RNF170: variants seen among roughly 807,000 people sequenced by gnomAD.
RNF170 encodes the protein ring finger protein 170.
RNF170 carries 12 observed loss-of-function variants against 32.7 expected under a neutral mutation model. The observed-to-expected ratio is 0.37, with a 90% CI of 0.24 to 0.60. The LOEUF (loss-of-function observed/expected upper bound fraction) is 0.60. Among genes scored for constraint, RNF170 ranks in the 20% least tolerant of loss-of-function variants. The probability of loss-of-function intolerance (pLI) is 0.72; values close to 1 mark genes in which losing one functional copy is unlikely to be tolerated. For synonymous variants in RNF170, 91 were observed against 103.6 expected (o/e 0.88, Z 0.74); for missense variants, 212 against 311.2 (o/e 0.68, Z 2.40).
In RNF170 at chr8:42,853,992, C is replaced by G. The variant is rs1443056354; in HGVS notation, c.*2167G>C. 1 of 1,287,028 alleles carries G rather than the reference C, an allele frequency of 7.8e-7. No individual in the cohort carries two copies. Among genetic ancestry groups the G allele is most frequent in the Non-Finnish European group, 1.0e-6 (1 of 988,618 alleles). The allele number at this position is 1,287,028 out of a possible 1,614,324, so 79.7% of individuals were successfully genotyped here. ...AAAATCCTGTCAAAAAATGACATCA[C>G]CATTCCCCCACACCAAATGTGTAAT... On this transcript the variant is annotated 3_prime_UTR_variant, in exon 7 of 7. Coordinates refer to ENST00000527424, the MANE Select transcript of RNF170 (RefSeq NM_030954.4).
chr8:42,867,176 G>A (rs545242832), intron 4 of RNF170, among the ~76,000 whole-genome samples: 1 of 152,208 alleles, frequency 6.6e-6, no homozygotes, highest in African/African-American at 2.4e-5. Flanking sequence ...ATATTAACTT[G>A]AAATACAAAA....
downstream of RNF170, chr8:42,849,820 G>A (rs1802897162): frequency 6.6e-6 from 1 of 152,214 alleles, no homozygotes; most frequent in Admixed American, 6.5e-5. Flanking sequence ...AATAGTTACT[G>A]ACTATGCTGC....
intron 3 of RNF170, among the ~76,000 whole-genome samples, chr8:42,872,784 G>A (rs540512567): frequency 6.6e-6 from 1 of 151,884 alleles, no homozygotes; most frequent in Non-Finnish European, 1.5e-5. Context: ...GTTCCATGAG[G>A]GTAGGAATTT....
At chr8:42,881,094 T>C (rs1340528307) in intron 2 of RNF170, 6 of 152,160 alleles carry the variant, frequency 3.9e-5, no homozygotes, top group Non-Finnish European at 1.5e-5. Flanking sequence ...ACCTGAAATA[T>C]CTATGGGGTA....
chr8:42,895,817 G>T (rs772333814), intron 1 of RNF170, among the ~76,000 whole-genome samples: 4 of 152,236 alleles, frequency 2.6e-5, no homozygotes, highest in Non-Finnish European at 4.4e-5. Context: ...TGCACACATA[G>T]ATGGTAAAGC....
chr8:42,878,571 T>A (rs747816992), intron 2 of RNF170, among the ~76,000 whole-genome samples: 5 of 152,152 alleles, frequency 3.3e-5, no homozygotes, highest in African/African-American at 1.2e-4. Context: ...AGAAGAAAAG[T>A]TGAAAGCTAG....
At chr8:42,873,567 A>G (rs899261121) in intron 3 of RNF170, among the ~76,000 whole-genome samples, 5 of 152,194 alleles carry the variant, frequency 3.3e-5, no homozygotes, top group Non-Finnish European at 5.9e-5. Flanking sequence ...ACAAAAAACA[A>G]AACAGCCACC....
chr8:42,893,300 T>C (rs1387132812), intron 1 of RNF170, among the ~76,000 whole-genome samples: 1 of 152,224 alleles, frequency 6.6e-6, no homozygotes, highest in African/African-American at 2.4e-5. Context: ...ATACTCGGTT[T>C]TGAACTGTTT....
At chr8:42,869,557 C>CA (rs1053314112) in intron 4 of RNF170, among the ~76,000 whole-genome samples, 6 of 152,160 alleles carry the variant, frequency 3.9e-5, no homozygotes, top group African/African-American at 1.4e-4. Context: ...AGTACAAACT[C>CA]AGAGTCAAAA....
At chr8:42,883,571 A>G (rs1048337058) in intron 2 of RNF170, among the ~76,000 whole-genome samples, 17 of 2,940 alleles carry the variant, frequency 5.8e-3, no homozygotes, top group Middle Eastern at 0.17. Context: ...TCTGTCTCAG[A>G]AAAAAAAAAA....
At position 42,854,351 on chromosome 8, in the gene RNF170, CTT is replaced by C; in HGVS notation, c.*1806_*1807del. 1.6e-6 allele frequency: 2 copies of C among 1,287,218 alleles called. No homozygotes were observed. The highest frequency in any genetic ancestry group is 1.0e-6 in the Non-Finnish European group (1 of 988,686). 79.7% of individuals were successfully genotyped at this position (1,287,218 alleles called of 1,614,324 possible). A position where few individuals can be genotyped will look rare whatever the true frequency, so the allele number is the denominator to read the frequency against. On this transcript the variant is annotated 3_prime_UTR_variant, in exon 7 of 7. Transcript: ENST00000527424. ...ACTAAGAAATTTTGGTGTAATGCCACTTTGATCAGTTATTTGTTGTATGACTT... is the reference window on the plus strand; with the variant it reads ...ACTAAGAAATTTTGGTGTAATGCCACTGATCAGTTATTTGTTGTATGACTT...
chr8:42,875,085 C>T (rs553867448), intron 2 of RNF170, among the ~76,000 whole-genome samples: 5 of 151,284 alleles, frequency 3.3e-5, no homozygotes, highest in African/African-American at 1.2e-4. Context: ...GCAGAAGAAT[C>T]GCTTAAACCC....
chr8:42,880,781 A>T (rs1805332088), intron 2 of RNF170, among the ~76,000 whole-genome samples: 1 of 152,054 alleles, frequency 6.6e-6, no homozygotes, highest in Non-Finnish European at 1.5e-5. Context: ...AAAAAAAAGA[A>T]ACTGCCACAG....
At chr8:42,883,191 T>A (rs186625014) in intron 2 of RNF170, among the ~76,000 whole-genome samples, 10 of 152,126 alleles carry the variant, frequency 6.6e-5, no homozygotes, top group Admixed American at 5.2e-4. Context: ...ATACTACCTA[T>A]TGAGTACAGT....
intron 4 of RNF170, among the ~76,000 whole-genome samples, chr8:42,868,302 A>C (rs1804268416): frequency 6.6e-6 from 1 of 152,120 alleles, no homozygotes; most frequent in Non-Finnish European, 1.5e-5. Flanking sequence ...CTATACTATG[A>C]AGTTAGACAA....
At chr8:42,891,274 T>G (rs117932289) in intron 1 of RNF170, among the ~76,000 whole-genome samples, 181 of 152,320 alleles carry the variant, frequency 1.2e-3, no homozygotes, top group Admixed American at 2.4e-3. Context: ...ATGATCTGGG[T>G]CACGTAACAT....
intron 2 of RNF170, among the ~76,000 whole-genome samples, chr8:42,877,223 G>A (rs1805021009): frequency 6.6e-6 from 1 of 150,940 alleles, no homozygotes; most frequent in African/African-American, 2.4e-5. Context: ...ACTGCGCCTG[G>A]CCTGTTTTTG....
At chr8:42,894,472 C>T (rs1314213319) in intron 1 of RNF170, among the ~76,000 whole-genome samples, 1 of 152,182 alleles carries the variant, frequency 6.6e-6, no homozygotes, top group African/African-American at 2.4e-5. Context: ...AGAGATTCGA[C>T]AGAAATAACC....
intron 6 of RNF170, among the ~76,000 whole-genome samples, chr8:42,859,987 C>T (rs1265134301): frequency 1.3e-5 from 2 of 151,870 alleles, no homozygotes; most frequent in African/African-American, 2.4e-5. Context: ...TAATAGGACA[C>T]CCCAAAAATA....
Sources: allele counts gnomAD v4.1 joint callset (sites outside exome capture counted in the v4.1 genomes callset), GRCh38; gene constraint gnomAD v4.1.1; transcripts MANE v1.5; gene names NCBI Gene and HGNC (gene_info 2026-07-23, HGNC 2026-07-21).